Variants in PTPN2 observed in about 807,000 individuals in gnomAD.
The protein encoded by PTPN2 is tyrosine-protein phosphatase non-receptor type 2.
PTPN2 carries 19 observed loss-of-function variants against 57.3 expected under a neutral mutation model. The ratio of observed to expected loss-of-function variants is 0.33; its 90% CI spans 0.23 to 0.49. PTPN2 has a LOEUF of 0.49. Among genes scored for constraint, PTPN2 ranks in the 20% least tolerant of loss-of-function variants. The pLI is 0.99. For missense variants in PTPN2, 358 were observed against 501.1 expected (o/e 0.71, Z 2.73); for synonymous variants, 153 against 164.9 (o/e 0.93, Z 0.55).
At chr18:12,874,846 T>C (rs1374908125) in intron 1 of PTPN2, among the ~76,000 whole-genome samples, 7 of 151,848 alleles carry the variant, frequency 4.6e-5, no homozygotes, top group Non-Finnish European at 7.4e-5. Flanking sequence ...ATGACAATGG[T>C]GGTTTTGTGG....
At chr18:12,835,089 C>T (rs971338662) in intron 3 of PTPN2, among the ~76,000 whole-genome samples, 1 of 152,022 alleles carries the variant, frequency 6.6e-6, no homozygotes, top group Non-Finnish European at 1.5e-5. Context: ...AAAAAATTTG[C>T]CTGTAAGTGG....
chr18:12,873,098 G>C (rs1049482649), intron 1 of PTPN2, among the ~76,000 whole-genome samples: 4 of 152,120 alleles, frequency 2.6e-5, no homozygotes, highest in African/African-American at 9.7e-5. Context: ...GCGCATGCCT[G>C]TAGTCCCTGC....
At chr18:12,874,303 G>A (rs1180438987) in intron 1 of PTPN2, among the ~76,000 whole-genome samples, 2 of 132,742 alleles carry the variant, frequency 1.5e-5, no homozygotes, top group Non-Finnish European at 3.2e-5. Context: ...AGGGAGGTGG[G>A]GGGGTCAGCC....
At chr18:12,827,102 G>A (rs1354430933) in intron 4 of PTPN2, among the ~76,000 whole-genome samples, 2 of 151,866 alleles carry the variant, frequency 1.3e-5, no homozygotes, top group African/African-American at 4.8e-5. Flanking sequence ...CCAGCACTTT[G>A]GGAGGCTGAG....
intron 5 of PTPN2, among the ~76,000 whole-genome samples, chr18:12,823,291 T>C (rs1042213035): frequency 4.6e-5 from 7 of 152,192 alleles, no homozygotes; most frequent in East Asian, 3.9e-4. Context: ...ACTCACATGA[T>C]GGCCTCAACT....
At chr18:12,880,918 G>A (rs1369915231) in intron 1 of PTPN2, among the ~76,000 whole-genome samples, 1 of 152,134 alleles carries the variant, frequency 6.6e-6, no homozygotes, top group Non-Finnish European at 1.5e-5. Context: ...GTGTCTCGCA[G>A]GTACCTCAAA....
chr18:12,795,572 G>T (rs1456542325), intron 8 of PTPN2, among the ~76,000 whole-genome samples: 2 of 152,192 alleles, frequency 1.3e-5, no homozygotes, highest in Non-Finnish European at 2.9e-5. Flanking sequence ...TGGGATTACA[G>T]GCATGAGCCA....
Position 12,870,310 on chromosome 18 carries a change from C to CATATATATGTGT in PTPN2, c.70-11068_70-11057dup. 3.5e-5 allele frequency among the ~76,000 whole-genome samples: 2 copies of CATATATATGTGT among 57,518 alleles called. 1 individual carries two copies. The highest frequency in any genetic ancestry group is 2.5e-4 in the African/African-American group (2 of 8,162). The allele number at this position is 57,518 out of a possible 152,430, so 37.7% of individuals were successfully genotyped here. A position where few individuals can be genotyped will look rare whatever the true frequency, so the allele number is the denominator to read the frequency against. On this transcript the variant is annotated intron_variant, in intron 1 of 8. Coordinates refer to ENST00000309660, the MANE Select transcript of PTPN2 (RefSeq NM_002828.4). ...ATATACATATATATGTGTATATATA[C>CATATATATGTGT]ATATATATGTGTATATATATGTATA... is the stretch of plus-strand genomic sequence containing the variant.
chr18:12,864,884 G>A (rs1415266281), intron 1 of PTPN2, among the ~76,000 whole-genome samples: 2 of 152,194 alleles, frequency 1.3e-5, no homozygotes, highest in Non-Finnish European at 2.9e-5. Flanking sequence ...GGGTTGAAAT[G>A]TAAGAGTAAG....
At chr18:12,840,600 A>C in intron 2 of PTPN2, 9 of 1,199,524 alleles carry the variant, frequency 7.5e-6, no homozygotes, top group Non-Finnish European at 1.1e-5. Context: ...TATGAAGTGC[A>C]TATGAATATG....
chr18:12,842,458 G>A (rs1172542411), intron 2 of PTPN2, among the ~76,000 whole-genome samples: 1 of 152,150 alleles, frequency 6.6e-6, no homozygotes, highest in African/African-American at 2.4e-5. Flanking sequence ...TGGGGAGAGG[G>A]GCAGGTTGCA....
chr18:12,854,865 G>A (rs1406895973), intron 2 of PTPN2, among the ~76,000 whole-genome samples: 4 of 152,062 alleles, frequency 2.6e-5, no homozygotes, highest in Non-Finnish European at 4.4e-5. Flanking sequence ...AAAAAGGCAC[G>A]GTCGGCTGGG....
At chr18:12,842,339 C>A (rs752501972) in intron 2 of PTPN2, among the ~76,000 whole-genome samples, 5 of 152,132 alleles carry the variant, frequency 3.3e-5, no homozygotes, top group Non-Finnish European at 5.9e-5. Flanking sequence ...AGACACCATG[C>A]AAACAATGCG....
chr18:12,797,902 T>A (rs975361368), intron 8 of PTPN2, among the ~76,000 whole-genome samples: 1 of 152,090 alleles, frequency 6.6e-6, no homozygotes, highest in African/African-American at 2.4e-5. Flanking sequence ...GATTTTTGTA[T>A]TTTTTGTAGA....
intron 8 of PTPN2, among the ~76,000 whole-genome samples, chr18:12,800,914 A>G (rs999242025): frequency 6.6e-6 from 1 of 152,256 alleles, no homozygotes; most frequent in African/African-American, 2.4e-5. Flanking sequence ...AATAGATGCC[A>G]CATTCATATG....
chr18:12,877,082 G>A (rs973501144), intron 1 of PTPN2, among the ~76,000 whole-genome samples: 1 of 152,142 alleles, frequency 6.6e-6, no homozygotes, highest in Non-Finnish European at 1.5e-5. Context: ...CACTGTATTG[G>A]CCCAGTGTTT....
At position 12,855,700 on chromosome 18, in the gene PTPN2, CCCA is replaced by C. The variant is rs1160436117; in HGVS notation, c.160+3461_160+3463del. On this transcript the variant is annotated intron_variant, in intron 2 of 8. Coordinates refer to ENST00000309660, the MANE Select transcript of PTPN2 (RefSeq NM_002828.4). ...ATGAGGACAGCAAGGCAACCCCAAG[CCCA>C]CCTAACACTGGAGTCCACCCAAGGC... Among the ~76,000 whole-genome samples the C allele has an allele frequency of 2.4e-4, 37 of 152,240 alleles. No individual in the cohort carries two copies. The South Asian group carries it at 7.5e-3, about 31-fold the overall frequency.
chr18:12,795,103 G>A (rs2041122415), intron 8 of PTPN2, among the ~76,000 whole-genome samples: 1 of 152,182 alleles, frequency 6.6e-6, no homozygotes, highest in Admixed American at 6.5e-5. Flanking sequence ...GCAGGAGCAG[G>A]AGTGGGAAGA....
chr18:12,804,296 A>AG (rs1555659714), intron 7 of PTPN2, among the ~76,000 whole-genome samples: 1 of 150,120 alleles, frequency 6.7e-6, no homozygotes, highest in Non-Finnish European at 1.5e-5. Context: ...TCTCAAAAAA[A>AG]AAAAAAAAAA....
Sources: allele counts gnomAD v4.1 joint callset (sites outside exome capture counted in the v4.1 genomes callset), GRCh38; gene constraint gnomAD v4.1.1; transcripts MANE v1.5; gene names NCBI Gene and HGNC (gene_info 2026-07-23, HGNC 2026-07-21).